The following ANTXR1 variants were observed in gnomAD, a reference collection of about 807,000 sequenced individuals.
ANTXR1 encodes the protein anthrax toxin receptor 1.
ANTXR1 carries 19 observed loss-of-function variants against 78.1 expected under a neutral mutation model. The observed-to-expected ratio is 0.24, with a 90% CI of 0.17 to 0.36. The LOEUF is 0.36. Among genes scored for constraint, ANTXR1 ranks in the 10% least tolerant of loss-of-function variants. The probability of loss-of-function intolerance (pLI) is 1.00; values close to 1 mark genes in which losing one functional copy is unlikely to be tolerated. For missense variants in ANTXR1, 518 were observed against 718.6 expected (o/e 0.72, Z 3.19); for synonymous variants, 273 against 260.5 (o/e 1.05, Z -0.46).
intron 3 of ANTXR1, among the ~76,000 whole-genome samples, chr2:69,068,903 C>T (rs1301115878): frequency 6.6e-6 from 1 of 152,100 alleles, no homozygotes; most frequent in Non-Finnish European, 1.5e-5. Flanking sequence ...TGAAGTAGAA[C>T]TAACAGAATG....
intron 3 of ANTXR1, among the ~76,000 whole-genome samples, chr2:69,053,201 A>C (rs1014413276): frequency 6.6e-6 from 1 of 152,148 alleles, no homozygotes; most frequent in African/African-American, 2.4e-5. Flanking sequence ...GCTTTTCAGT[A>C]CTGGGATTTG....
intron 8 of ANTXR1, among the ~76,000 whole-genome samples, chr2:69,078,482 C>T (rs1670805680): frequency 6.6e-6 from 1 of 152,172 alleles, no homozygotes; most frequent in Admixed American, 6.5e-5. Flanking sequence ...CCAGACCAAC[C>T]CAGGAAAATT....
At chr2:69,179,837 G>C (rs1012828735) in intron 14 of ANTXR1, among the ~76,000 whole-genome samples, 2 of 152,226 alleles carry the variant, frequency 1.3e-5, no homozygotes, top group Non-Finnish European at 2.9e-5. Context: ...GCTCAAAAGA[G>C]TGACTGGCAC....
Position 69,077,379 on chromosome 2 carries a change from A to G in ANTXR1, c.562-29A>G, listed in dbSNP as rs748303236. 8.1e-6 allele frequency: 13 copies of G among 1,613,196 alleles called. No individual in the cohort carries two copies. The South Asian group carries it at 8.8e-5, about 11-fold the overall frequency. On this transcript the variant is annotated intron_variant, in intron 7 of 17. Coordinates refer to ENST00000303714, the MANE Select transcript of ANTXR1 (RefSeq NM_032208.3). The stretch of plus-strand genomic sequence containing the variant: ...CACATCCAAGCCTAACAGTCTCCCC[A>G]TGTGTTTGTGTATTTGCTGTGTTCT...
chr2:69,043,131 G>T (rs1669662121), intron 2 of ANTXR1, among the ~76,000 whole-genome samples: 1 of 152,124 alleles, frequency 6.6e-6, no homozygotes, highest in African/African-American at 2.4e-5. Flanking sequence ...GACAGAAGGG[G>T]AGCAGTATAT....
In ANTXR1 at chr2:69,052,155, A is replaced by T. The variant is rs572646137; in HGVS notation, c.296+7342A>T. Among the ~76,000 whole-genome samples the T allele has an allele frequency of 3.3e-5, 5 of 152,236 alleles. No individual in the cohort carries two copies. In the East Asian group the frequency reaches 9.6e-4, roughly 29 times the overall value. On this transcript the variant is annotated intron_variant, in intron 3 of 17. Transcript: ENST00000303714. Reference sequence around the variant, plus strand: ...TTTTAGAAACATATCAACAATAATTATCTAAACTTACTGTAAGATTTACGG... The same window carrying T: ...TTTTAGAAACATATCAACAATAATTTTCTAAACTTACTGTAAGATTTACGG...
intron 14 of ANTXR1, among the ~76,000 whole-genome samples, chr2:69,173,205 C>G (rs1345586592): frequency 1.3e-5 from 2 of 152,216 alleles, no homozygotes; most frequent in African/African-American, 2.4e-5. Flanking sequence ...CTCTGCTTCT[C>G]TCTGGGAATT....
intron 3 of ANTXR1, among the ~76,000 whole-genome samples, chr2:69,068,673 T>C (rs573722664): frequency 1.3e-5 from 2 of 152,200 alleles, no homozygotes; most frequent in Admixed American, 6.5e-5. Flanking sequence ...CCAGGTGTAA[T>C]GGGTTGGTGT....
chr2:69,121,786 T>C (rs1672355115), intron 10 of ANTXR1, among the ~76,000 whole-genome samples: 1 of 152,228 alleles, frequency 6.6e-6, no homozygotes, highest in African/African-American at 2.4e-5. Flanking sequence ...GTACAGCACA[T>C]GTACCCAATC....
chr2:69,245,166 C>A, intron 17 of ANTXR1, 59 bp from the exon 18 acceptor site: 3 of 1,606,710 alleles, frequency 1.9e-6, no homozygotes, highest in Non-Finnish European at 2.6e-6. Flanking sequence ...CACCACAGCA[C>A]CACAGGCCCT....
intron 1 of ANTXR1, among the ~76,000 whole-genome samples, chr2:69,016,677 G>C (rs957474000): frequency 1.3e-5 from 2 of 152,208 alleles, no homozygotes; most frequent in East Asian, 3.8e-4. Flanking sequence ...ACACACATGT[G>C]TATGTCTCTA....
Position 69,152,239 on chromosome 2 carries a change from G to A in ANTXR1, c.1022G>A (p.Trp341Ter), listed in dbSNP as rs1673417945. The change falls in exon 13 of 18, where the codon TGG (tryptophan) becomes TAG (stop). Residue 341 changes from tryptophan (W) to a stop codon, truncating the protein, a stop_gained. Coordinates refer to ENST00000303714, the MANE Select transcript of ANTXR1 (RefSeq NM_032208.3). LOFTEE classifies it high-confidence loss of function. ...FLLLALALLW[W>*]FWPLCCTVII... The stretch of plus-strand genomic sequence containing the variant: ...CTCCTAGCCCTGGCTCTCCTCTGGT[G>A]GTTCTGGCCCCTCTGCTGCACTGTG... 1 of 1,614,180 alleles carries A rather than the reference G, an allele frequency of 6.2e-7. No homozygotes were observed. The highest frequency in any genetic ancestry group is 1.3e-5 in the African/African-American group (1 of 75,044).
Position 69,050,255 on chromosome 2 carries a change from T to C in ANTXR1, c.296+5442T>C, listed in dbSNP as rs181797848. 2.6e-4 allele frequency among the ~76,000 whole-genome samples: 39 copies of C among 152,106 alleles called. No homozygotes were observed. In the East Asian group the frequency reaches 5.8e-3, roughly 23 times the overall value. On this transcript the variant is annotated intron_variant, in intron 3 of 17. Coordinates refer to ENST00000303714, the MANE Select transcript of ANTXR1 (RefSeq NM_032208.3). ...TAAAGGCTGCAGTGAGCCGTAATCATGCCAATACACTCCAGCCTGGGCAAC... is the reference window on the plus strand; with the variant it reads ...TAAAGGCTGCAGTGAGCCGTAATCACGCCAATACACTCCAGCCTGGGCAAC...
chr2:69,036,538 T>G (rs1194505865), intron 1 of ANTXR1, among the ~76,000 whole-genome samples: 1 of 152,158 alleles, frequency 6.6e-6, no homozygotes, highest in Non-Finnish European at 1.5e-5. Context: ...CGGCAGAAAT[T>G]CTCTACCGAT....
rs369231345 is a variant in ANTXR1 at position 69,013,484 on chromosome 2, C to G, written c.-16C>G. The G allele has an allele frequency of 6.3e-7, 1 of 1,586,240 alleles. No homozygotes were observed. On this transcript the variant is annotated 5_prime_UTR_variant, in exon 1 of 18. Coordinates refer to ENST00000303714, the MANE Select transcript of ANTXR1 (RefSeq NM_032208.3). This position sits in a 1 kb window ranked among gnomAD's most constrained non-coding sequence, Gnocchi z 5.0. ...CGTGGGAAGGAGCGGACCCTGCTCT[C>G]CCCGGGCTGCGGGCCATGGCCACGG...
chr2:69,068,170 G>A (rs1235388168), intron 3 of ANTXR1, among the ~76,000 whole-genome samples: 1 of 152,280 alleles, frequency 6.6e-6, no homozygotes, highest in South Asian at 2.1e-4. Flanking sequence ...TTTGTTGAAA[G>A]TCTATTATGT....
chr2:69,224,818 T>C (rs1175692772), intron 17 of ANTXR1, among the ~76,000 whole-genome samples: 1 of 152,150 alleles, frequency 6.6e-6, no homozygotes. Flanking sequence ...CCTCCTAAAA[T>C]ATTAATATTT....
At chr2:69,058,306 T>C (rs1232762880) in intron 3 of ANTXR1, among the ~76,000 whole-genome samples, 1 of 152,180 alleles carries the variant, frequency 6.6e-6, no homozygotes, top group African/African-American at 2.4e-5. Flanking sequence ...TGGCTTCAAA[T>C]CTTCAAAGGA....
rs1674288424 is a variant in ANTXR1 at position 69,182,003 on chromosome 2, C to T, written c.1185+122C>T. On this transcript the variant is annotated intron_variant, in intron 15 of 17. Transcript: ENST00000303714. ...ATGCCCAGGGCAGTATGGCCGTAGA[C>T]CACACTGATGACTCAATGTCAGAAA... The T allele has an allele frequency of 9.6e-6, 9 of 938,534 alleles. No individual in the cohort carries two copies. In the Admixed American group the frequency reaches 1.8e-4, roughly 19 times the overall value. 58.1% of individuals were successfully genotyped at this position (938,534 alleles called of 1,614,324 possible).
Sources: allele counts gnomAD v4.1 joint callset (sites outside exome capture counted in the v4.1 genomes callset), GRCh38; gene constraint gnomAD v4.1.1; non-coding constraint Gnocchi (gnomAD v3.1); transcripts MANE v1.5; gene names NCBI Gene and HGNC (gene_info 2026-07-23, HGNC 2026-07-21).